The following COPG2 variants were observed in gnomAD, a reference collection of about 807,000 sequenced individuals.
COPG2 encodes coat protein complex I subunit gamma 2.
A neutral mutation model predicts 46.3 loss-of-function variants in COPG2; 37 were observed. That is an observed-to-expected ratio of 0.80 (90% CI 0.61 to 1.05). The LOEUF (loss-of-function observed/expected upper bound fraction) is 1.05, where lower values mean the gene tolerates loss of function less well. Among genes scored for constraint, COPG2 ranks in the 50% least tolerant of loss-of-function variants. The pLI is 0.00. For missense variants in COPG2, 427 were observed against 387.8 expected, an observed-to-expected ratio of 1.10 and a Z score of -0.85; for synonymous variants, 159 against 129.7, an observed-to-expected ratio of 1.23 and a Z score of -1.53.
intron 5 of COPG2, among the ~76,000 whole-genome samples, chr7:130,625,495 T>C (rs890114915): frequency 4.6e-5 from 7 of 152,014 alleles, no homozygotes; most frequent in Non-Finnish European, 8.8e-5. Context: ...GAAATGCCTC[T>C]AGTGTTTCCC....
At chr7:130,542,880 G>C (rs1203648603) in intron 20 of COPG2, among the ~76,000 whole-genome samples, 6 of 152,178 alleles carry the variant, frequency 3.9e-5, no homozygotes, top group African/African-American at 1.2e-4. Flanking sequence ...TTCCCAAAGT[G>C]GGGGCACTGG....
intron 4 of COPG2, among the ~76,000 whole-genome samples, chr7:130,658,358 G>A (rs1795897839): frequency 6.6e-6 from 1 of 152,126 alleles, no homozygotes; most frequent in Non-Finnish European, 1.5e-5. Flanking sequence ...GGACAGAAAG[G>A]AGATAGATTG....
intron 5 of COPG2, among the ~76,000 whole-genome samples, chr7:130,649,385 C>T (rs1554458786): frequency 6.6e-6 from 1 of 152,086 alleles, no homozygotes; most frequent in Non-Finnish European, 1.5e-5. Flanking sequence ...ACTTATTTCT[C>T]TACTTTCAAT....
intron 5 of COPG2, among the ~76,000 whole-genome samples, chr7:130,651,506 T>A (rs1241974433): frequency 6.7e-5 from 6 of 89,616 alleles, no homozygotes; most frequent in African/African-American, 2.4e-4. Context: ...TTTTTTTTTT[T>A]TTTTTTTTTT....
chr7:130,518,235 G>T (rs1799694694), intron 20 of COPG2, among the ~76,000 whole-genome samples: 1 of 152,126 alleles, frequency 6.6e-6, no homozygotes, highest in East Asian at 1.9e-4. Context: ...TGCAATATTT[G>T]GTTTCTTTAA....
chr7:130,551,304 T>C lies in COPG2; in HGVS notation c.1585A>G (p.Thr529Ala), dbSNP rs1793532051. The change falls in exon 16 of 24, where the codon ACC becomes GCC. Residue 529 changes from threonine (T) to alanine (A), a missense_variant. Physicochemically the swap from Thr to Ala is moderately conservative, Grantham distance 58. Transcript: ENST00000425248. ...DTDDEVRDRA[T>A]FYLNVLQQRQ... ...TGCTGCAGCACATTCAGATAGAAGG[T>C]AGCTCTGTCTCGTACCTCGTCATCA... 2.5e-6 allele frequency: 1 copy of C among 398,536 alleles called. No individual in the cohort carries two copies. Among genetic ancestry groups the C allele is most frequent in the Non-Finnish European group, 4.4e-6 (1 of 226,030 alleles). The allele number at this position is 398,536 out of a possible 1,614,324, so 24.7% of individuals were successfully genotyped here.
intron 20 of COPG2, among the ~76,000 whole-genome samples, chr7:130,543,283 C>T (rs1793372618): frequency 2.6e-5 from 4 of 152,172 alleles, no homozygotes. Context: ...GGACAGTATA[C>T]AGTTTAAACC....
At chr7:130,539,293 G>A (rs931002043) in intron 20 of COPG2, among the ~76,000 whole-genome samples, 10 of 152,064 alleles carry the variant, frequency 6.6e-5, no homozygotes, top group South Asian at 4.2e-4. Context: ...AGGAGGAAGT[G>A]GCGGGACTGG....
chr7:130,647,970 T>A (rs1795651473), intron 5 of COPG2, among the ~76,000 whole-genome samples: 1 of 152,020 alleles, frequency 6.6e-6, no homozygotes, highest in Admixed American at 6.6e-5. Context: ...GACCTCATGA[T>A]CCACCCACCT....
chr7:130,637,805 T>C (rs1220568770), intron 5 of COPG2, among the ~76,000 whole-genome samples: 11 of 152,218 alleles, frequency 7.2e-5, no homozygotes, highest in Admixed American at 2.0e-4. Flanking sequence ...AGAGGCATTC[T>C]GGTTTTTGGA....
chr7:130,586,587 C>T (rs966953745), intron 9 of COPG2, among the ~76,000 whole-genome samples: 22 of 151,946 alleles, frequency 1.4e-4, no homozygotes, highest in Non-Finnish European at 2.8e-4. Flanking sequence ...CTCAGCCTCC[C>T]GAGTAGCTGG....
chr7:130,612,317 A>G, intron 7 of COPG2, 79 bp from the exon 8 acceptor site: 1 of 869,400 alleles, frequency 1.2e-6, no homozygotes, highest in Non-Finnish European at 1.7e-6. Flanking sequence ...GTTTTCTTTG[A>G]AAATCACAGA....
chr7:130,643,686 C>T (rs1554457660), intron 5 of COPG2, among the ~76,000 whole-genome samples: 1 of 151,992 alleles, frequency 6.6e-6, no homozygotes, highest in Admixed American at 6.6e-5. Context: ...AGCTACGCAT[C>T]GTGGTTTACG....
intron 5 of COPG2, among the ~76,000 whole-genome samples, chr7:130,630,105 G>T (rs1358676610): frequency 2.6e-5 from 4 of 151,836 alleles, no homozygotes; most frequent in Non-Finnish European, 5.9e-5. Context: ...TAGAGATGGG[G>T]TTTCACCATG....
In COPG2 at chr7:130,506,642, A is replaced by G. The variant is rs1799494197; in HGVS notation, c.*34T>C. The G allele has an allele frequency of 3.9e-6, 3 of 768,282 alleles. No individual in the cohort carries two copies. The highest frequency in any genetic ancestry group is 7.3e-6 in the Non-Finnish European group (3 of 412,240). The allele number at this position is 768,282 out of a possible 1,614,324, so 47.6% of individuals were successfully genotyped here. Reference sequence around the variant, plus strand: ...TAGCCTAAAAGCCCACTGACCATGTAGTGTGCATCAGTTTCCTCTTGTCCA... The same window carrying G: ...TAGCCTAAAAGCCCACTGACCATGTGGTGTGCATCAGTTTCCTCTTGTCCA... On this transcript the variant is annotated 3_prime_UTR_variant, in exon 24 of 24. Transcript: ENST00000425248.
At chr7:130,514,910 A>T (rs1799666354) in intron 20 of COPG2, among the ~76,000 whole-genome samples, 3 of 152,182 alleles carry the variant, frequency 2.0e-5, no homozygotes, top group African/African-American at 7.2e-5. Context: ...CAGTGGGTGT[A>T]AGGCCAGATT....
intron 20 of COPG2, chr7:130,511,440 T>G (rs1260870947): frequency 1.9e-6 from 1 of 519,644 alleles, no homozygotes; most frequent in Non-Finnish European, 3.8e-6. Flanking sequence ...AAATAAGCAA[T>G]ACACACCTAC....
intron 5 of COPG2, among the ~76,000 whole-genome samples, chr7:130,623,296 T>C (rs1795067105): frequency 6.6e-6 from 1 of 152,178 alleles, no homozygotes; most frequent in Non-Finnish European, 1.5e-5. Flanking sequence ...GATGCTGTCT[T>C]AGTCTATTCC....
intron 9 of COPG2, among the ~76,000 whole-genome samples, chr7:130,574,655 A>C (rs536413269): frequency 2.3e-4 from 35 of 151,770 alleles, no homozygotes; most frequent in Admixed American, 8.6e-4. Context: ...CTCCCCCCCC[A>C]AAAAAATTAC....
Sources: allele counts gnomAD v4.1 joint callset (sites outside exome capture counted in the v4.1 genomes callset), GRCh38; gene constraint gnomAD v4.1.1; transcripts MANE v1.5; gene names NCBI Gene and HGNC (gene_info 2026-07-23, HGNC 2026-07-21).